SLC12A7: variants seen among roughly 807,000 people sequenced by gnomAD.
SLC12A7 encodes the protein K-Cl cotransporter 4.
SLC12A7 carries 100 observed loss-of-function variants against 120.6 expected under a neutral mutation model. The observed-to-expected ratio is 0.83, with a 90% CI of 0.71 to 0.98. The LOEUF (loss-of-function observed/expected upper bound fraction) is 0.98. Ranked by LOEUF, SLC12A7 falls within the 50% of genes least tolerant of loss-of-function variation. SLC12A7 has a pLI of 0.00. For missense variants in SLC12A7, 1,373 were observed against 1,548.1 expected, an observed-to-expected ratio of 0.89 and a Z score of 1.90; for synonymous variants, 760 against 678.0, an observed-to-expected ratio of 1.12 and a Z score of -1.88.
the SLC12A7 span, among the ~76,000 whole-genome samples, chr5:1,132,778 C>T: frequency 6.6e-6 from 1 of 152,248 alleles, no homozygotes; most frequent in Non-Finnish European, 1.5e-5. Flanking sequence ...CACCGCCTCC[C>T]AAGAACTGCA....
At chr5:1,054,693 T>C (rs1382913251) in intron 22 of SLC12A7, among the ~76,000 whole-genome samples, 7 of 152,084 alleles carry the variant, frequency 4.6e-5, no homozygotes, top group African/African-American at 1.7e-4. Context: ...CCATGCAGGG[T>C]CATGGAGAGG....
rs180838376 is a variant in SLC12A7, at chr5:1,089,645, G to A, written c.343-517C>T. 1.2e-4 allele frequency among the ~76,000 whole-genome samples: 19 copies of A among 152,094 alleles called. No individual in the cohort carries two copies. In the East Asian group the frequency reaches 3.1e-3, roughly 25 times the overall value. ...AAACTGACACATCTTAACCGGGCAC[G>A]GAGGTCACCACGAGATAACAGCAAA... On this transcript the variant is annotated intron_variant, in intron 3 of 23. Transcript: ENST00000264930.
intron 9 of SLC12A7, among the ~76,000 whole-genome samples, chr5:1,080,904 A>G (rs893087993): frequency 3.3e-5 from 5 of 152,284 alleles, no homozygotes; most frequent in African/African-American, 1.2e-4. Flanking sequence ...TCACAAATCC[A>G]TCAGGACGCA....
At chr5:1,091,163 C>T (rs1433082541) in intron 3 of SLC12A7, among the ~76,000 whole-genome samples, 2 of 152,238 alleles carry the variant, frequency 1.3e-5, no homozygotes, top group Non-Finnish European at 2.9e-5. Flanking sequence ...GCCTGAGAGC[C>T]ACCAGCCTGG....
At chr5:1,099,868 C>T (rs564940549) in intron 1 of SLC12A7, among the ~76,000 whole-genome samples, 27 of 152,054 alleles carry the variant, frequency 1.8e-4, no homozygotes, top group South Asian at 1.5e-3. Flanking sequence ...CGGTCCCCTC[C>T]GGCGGGTGTA....
chr5:1,082,854 C>T (rs1182125564), intron 8 of SLC12A7, among the ~76,000 whole-genome samples: 6 of 136,146 alleles, frequency 4.4e-5, no homozygotes, highest in East Asian at 4.5e-4. Context: ...CTGGGCTTCC[C>T]GTCTCGGGTT....
chr5:1,140,288 C>A, the SLC12A7 span, among the ~76,000 whole-genome samples: 1 of 152,244 alleles, frequency 6.6e-6, no homozygotes, highest in South Asian at 2.1e-4. Flanking sequence ...GCCAGCACAT[C>A]CCAGGCGATG....
At chr5:1,084,034 G>A in intron 7 of SLC12A7, 78 bp from the exon 8 acceptor site, 2 of 1,312,954 alleles carry the variant, frequency 1.5e-6, no homozygotes, top group Non-Finnish European at 1.1e-6. Flanking sequence ...CCCCCAACGG[G>A]CACCCATGGT....
the SLC12A7 span, among the ~76,000 whole-genome samples, chr5:1,137,849 G>A: frequency 1.3e-5 from 2 of 152,196 alleles, no homozygotes; most frequent in Non-Finnish European, 1.5e-5. Context: ...CCAGCTCCCC[G>A]GGGCCTGGCG....
At chr5:1,053,883 A>G (rs1355077471) in intron 22 of SLC12A7, among the ~76,000 whole-genome samples, 1 of 152,208 alleles carries the variant, frequency 6.6e-6, no homozygotes, top group Admixed American at 6.5e-5. Flanking sequence ...GCTTCTCTTG[A>G]CATCTACATC....
chr5:1,083,378 G>A (rs973608395), intron 8 of SLC12A7, among the ~76,000 whole-genome samples: 4 of 152,224 alleles, frequency 2.6e-5, no homozygotes, highest in South Asian at 2.1e-4. Context: ...GGGCAGGTCC[G>A]AGGCAGCCTC....
the SLC12A7 span, among the ~76,000 whole-genome samples, chr5:1,130,096 C>T: frequency 2.0e-5 from 3 of 152,186 alleles, no homozygotes; most frequent in Non-Finnish European, 4.4e-5. Context: ...GAAAAATCTG[C>T]GGAAAATCAC....
the SLC12A7 span, among the ~76,000 whole-genome samples, chr5:1,142,030 C>T: frequency 1.3e-5 from 2 of 152,220 alleles, no homozygotes; most frequent in Admixed American, 6.5e-5. Flanking sequence ...CCGGGGCTTC[C>T]TGGCCTCCAC....
chr5:1,050,758 A>AAGGC lies in SLC12A7; in HGVS notation c.*1598_*1601dup, dbSNP rs1237067125. 1 of 397,896 alleles carries AAGGC rather than the reference A, an allele frequency of 2.5e-6. No homozygotes were observed. Among genetic ancestry groups the AAGGC allele is most frequent in the East Asian group, 3.6e-5 (1 of 28,082 alleles). The allele number at this position is 397,896 out of a possible 1,614,324, so 24.6% of individuals were successfully genotyped here. A position where few individuals can be genotyped will look rare whatever the true frequency, so the allele number is the denominator to read the frequency against. On this transcript the variant is annotated 3_prime_UTR_variant, in exon 24 of 24. Coordinates refer to ENST00000264930, the MANE Select transcript of SLC12A7 (RefSeq NM_006598.3). ...TTTGCTGCTTAACTCATGCTTAGCCAAGGCAGGCAGAGGCTGTGGGAACTG... is the reference window on the plus strand; with the variant it reads ...TTTGCTGCTTAACTCATGCTTAGCCAAGGCAGGCAGGCAGAGGCTGTGGGAACTG...
Position 1,050,949 on chromosome 5 carries a change from GCCA to G in SLC12A7, c.*1408_*1410del. 1 of 398,662 alleles carries G rather than the reference GCCA, an allele frequency of 2.5e-6. No homozygotes were observed. Among genetic ancestry groups the G allele is most frequent in the East Asian group, 3.6e-5 (1 of 28,084 alleles). The allele number at this position is 398,662 out of a possible 1,614,324, so 24.7% of individuals were successfully genotyped here. ...CTGATTCCCTTGGGAGACCATGCAA[GCCA>G]GACGTAGCCCAAGGCCTGGCCATCT... On this transcript the variant is annotated 3_prime_UTR_variant, in exon 24 of 24. Coordinates refer to ENST00000264930, the MANE Select transcript of SLC12A7 (RefSeq NM_006598.3).
At chr5:1,110,461 G>A (rs1742912107) in intron 1 of SLC12A7, among the ~76,000 whole-genome samples, 2 of 152,264 alleles carry the variant, frequency 1.3e-5, no homozygotes, top group Non-Finnish European at 2.9e-5. Context: ...GAGAGTAGAA[G>A]AGACAAGAAA....
chr5:1,081,102 AG>A (rs1230944869), intron 9 of SLC12A7, among the ~76,000 whole-genome samples: 2 of 18,546 alleles, frequency 1.1e-4, no homozygotes, highest in East Asian at 0.045. Context: ...GGAAAAGGGT[AG>A]GGGGAGAGAG....
intron 10 of SLC12A7, 25 bp downstream of exon 10, chr5:1,079,373 C>G: frequency 1.3e-6 from 2 of 1,588,192 alleles, no homozygotes; most frequent in Non-Finnish European, 1.7e-6. Context: ...GGCTGGAACC[C>G]TCGCCTGCAC....
At chr5:1,141,537 T>C in the SLC12A7 span, among the ~76,000 whole-genome samples, 7 of 152,216 alleles carry the variant, frequency 4.6e-5, no homozygotes, top group African/African-American at 1.7e-4. Flanking sequence ...CTGTATCTCC[T>C]GGGATGGAGG....
Sources: gnomAD v4.1 joint callset for allele counts (sites outside exome capture counted in the v4.1 genomes callset) on GRCh38, gnomAD v4.1.1 for gene constraint, MANE v1.5 for transcripts, NCBI Gene and HGNC (gene_info 2026-07-23, HGNC 2026-07-21) for gene names.